Variants in ATP1A4 observed in about 807,000 individuals in gnomAD.
ATP1A4 encodes the protein sodium/potassium-transporting ATPase subunit alpha-4.
A neutral mutation model predicts 114.3 loss-of-function variants in ATP1A4; 90 were observed. That is an observed-to-expected ratio of 0.79 (90% CI 0.66 to 0.94). The LOEUF (loss-of-function observed/expected upper bound fraction) is 0.94, where lower values mean the gene tolerates loss of function less well. Among genes scored for constraint, ATP1A4 ranks in the 40% least tolerant of loss-of-function variants. The pLI is 0.00. For synonymous variants in ATP1A4, 511 were observed against 494.1 expected, an observed-to-expected ratio of 1.03 and a Z score of -0.45; for missense variants, 1,222 against 1,313.6, an observed-to-expected ratio of 0.93 and a Z score of 1.08.
At position 160,186,834 on chromosome 1, in the gene ATP1A4, G is replaced by C. The variant is rs888574491; in HGVS notation, c.*135G>C. Reference sequence around the variant, plus strand: ...GGATGAGAAAGATGGGCAATCCTGGGCTGGCTTGAGGGAATCATGGGCAGA... The same window carrying C: ...GGATGAGAAAGATGGGCAATCCTGGCCTGGCTTGAGGGAATCATGGGCAGA... On this transcript the variant is annotated 3_prime_UTR_variant, in exon 22 of 22. Coordinates refer to ENST00000368081, the MANE Select transcript of ATP1A4 (RefSeq NM_144699.4). 1.9e-6 allele frequency: 2 copies of C among 1,066,306 alleles called. No individual in the cohort carries two copies. The highest frequency in any genetic ancestry group is 3.1e-5 in the African/African-American group (2 of 63,698). 66.1% of individuals were successfully genotyped at this position (1,066,306 alleles called of 1,614,324 possible). A position where few individuals can be genotyped will look rare whatever the true frequency, so the allele number is the denominator to read the frequency against.
chr1:160,159,617 G>C (rs1234274556), intron 6 of ATP1A4, 91 bp downstream of exon 6: 1 of 1,138,244 alleles, frequency 8.8e-7, no homozygotes, highest in Non-Finnish European at 1.3e-6. Flanking sequence ...AGCGAGGTAG[G>C]TAAGAGCCAG....
Position 160,173,581 on chromosome 1 carries a change from G to C in ATP1A4, c.1855G>C (p.Val619Leu). The change falls in exon 13 of 22, where the codon GTG becomes CTG. Residue 619 changes from valine (V) to leucine (L), a missense_variant and splice_region_variant. By Grantham distance (32) the Val-to-Leu change is conservative. Transcript: ENST00000368081. ...CTCTTCCCTCTCCTTCCCAACCCAGGTGATCATGGTAACAGGAGATCATCC... is the reference window on the plus strand; with the variant it reads ...CTCTTCCCTCTCCTTCCCAACCCAGCTGATCATGGTAACAGGAGATCATCC... ...VSKCRSAGIK[V>L]IMVTGDHPIT... 1 of 1,613,242 alleles carries C rather than the reference G, an allele frequency of 6.2e-7. No homozygotes were observed. Among genetic ancestry groups the C allele is most frequent in the Non-Finnish European group, 8.5e-7 (1 of 1,179,206 alleles).
At chr1:160,156,213 C>T in intron 4 of ATP1A4, 55 bp downstream of exon 4, 1 of 1,236,204 alleles carries the variant, frequency 8.1e-7, no homozygotes, top group Non-Finnish European at 1.2e-6. Context: ...TGGCCAAATA[C>T]ACAATGATGA....
chr1:160,169,048 G>T (rs895872966), intron 10 of ATP1A4, among the ~76,000 whole-genome samples: 1 of 152,202 alleles, frequency 6.6e-6, no homozygotes, highest in Admixed American at 6.5e-5. Flanking sequence ...TGCCTCTTCC[G>T]AGCTACCAAA....
At chr1:160,156,477 C>T (rs1166598892) in intron 4 of ATP1A4, among the ~76,000 whole-genome samples, 3 of 129,186 alleles carry the variant, frequency 2.3e-5, no homozygotes, top group South Asian at 2.8e-4. Context: ...GAGCGGGGTG[C>T]GGTGGGGGGT....
Position 160,164,211 on chromosome 1 carries a change from T to G in ATP1A4, c.834T>G (p.Ile278Met), listed in dbSNP as rs1308365952. The change falls in exon 7 of 22, where the codon ATT becomes ATG. Residue 278 changes from isoleucine (I) to methionine (M), a missense_variant. Ile to Met is a conservative substitution (Grantham distance 10). Coordinates refer to ENST00000368081, the MANE Select transcript of ATP1A4 (RefSeq NM_144699.4). ...ATGDSTVMGRIASLTSGLAVG... is the reference protein window; with the variant it reads ...ATGDSTVMGRMASLTSGLAVG... ...GAGACTCCACAGTGATGGGCAGAAT[T>G]GCCTCCCTGACGTCAGGCCTGGCGG... The G allele has an allele frequency of 6.2e-7, 1 of 1,614,086 alleles. No homozygotes were observed. The highest frequency in any genetic ancestry group is 1.3e-5 in the African/African-American group (1 of 74,940).
Position 160,159,484 on chromosome 1 carries a change from G to T in ATP1A4, c.736G>T (p.Glu246Ter), listed in dbSNP as rs891659043. Residue 246 changes from glutamate (E) to a stop codon, truncating the protein, a stop_gained, in exon 6 of 22, where the codon GAG becomes TAG. Coordinates refer to ENST00000368081, the MANE Select transcript of ATP1A4 (RefSeq NM_144699.4). LOFTEE classifies it high-confidence loss of function. ...TGACTTCACCCATGAGAACCCTCTGGAGACCCGAAACATCTGCTTCTTTTC... is the reference window on the plus strand; with the variant it reads ...TGACTTCACCCATGAGAACCCTCTGTAGACCCGAAACATCTGCTTCTTTTC... ...SPDFTHENPLETRNICFFSTN... is the reference protein window; with the variant it reads ...SPDFTHENPL 1 of 1,613,312 alleles carries T rather than the reference G, an allele frequency of 6.2e-7. No individual in the cohort carries two copies. Among genetic ancestry groups the T allele is most frequent in the East Asian group, 2.2e-5 (1 of 44,880 alleles).
At position 160,153,164 on chromosome 1, in the gene ATP1A4, G is replaced by A. The variant is rs773253273; in HGVS notation, c.148-1G>A. 6.2e-7 allele frequency: 1 copy of A among 1,613,848 alleles called. No homozygotes were observed. The highest frequency in any genetic ancestry group is 8.5e-7 in the Non-Finnish European group (1 of 1,179,850). ...CCTCAATGCCTCTACTGTCCCCTCA[G>A]GATGATCACAAATTAACCTTGGAAG... On this transcript the variant is annotated splice_acceptor_variant, in intron 1 of 21. Coordinates refer to ENST00000368081, the MANE Select transcript of ATP1A4 (RefSeq NM_144699.4). LOFTEE classifies it high-confidence loss of function.
intron 15 of ATP1A4, among the ~76,000 whole-genome samples, chr1:160,175,780 C>G (rs2101649063): frequency 6.6e-6 from 1 of 152,210 alleles, no homozygotes; most frequent in Non-Finnish European, 1.5e-5. Context: ...TCCATTCCAG[C>G]CTTAATCTTG....
rs1342994027 is a variant in ATP1A4 at position 160,176,569 on chromosome 1, C to G, written c.2557C>G (p.His853Asp). Reference protein sequence around the residue: ...RNPKTDNLVNHRLIGMAYGQI... With the variant: ...RNPKTDNLVNDRLIGMAYGQI... ...CCCAAAGACGGATAATCTGGTGAAC[C>G]ACCGTCTCATTGGCATGGCCTATGG... Residue 853 changes from histidine to aspartate, a missense_variant, in exon 17 of 22, where the codon CAC (histidine) becomes GAC (aspartate). By Grantham distance (81) the His-to-Asp change is moderately conservative (BLOSUM62 -1). Transcript: ENST00000368081. The G allele has an allele frequency of 1.2e-6, 2 of 1,614,122 alleles. No individual in the cohort carries two copies.
chr1:160,154,277 G>T (rs1295983256), intron 2 of ATP1A4, among the ~76,000 whole-genome samples: 1 of 151,918 alleles, frequency 6.6e-6, no homozygotes, highest in Admixed American at 6.6e-5. Context: ...TCACTTGAAT[G>T]CAGGAGAATC....
In ATP1A4 at chr1:160,166,998, G is replaced by C. The variant is rs747630030; in HGVS notation, c.1277G>C (p.Trp426Ser). The change falls in exon 9 of 22, where the codon TGG (tryptophan) becomes TCG (serine). Residue 426 changes from tryptophan to serine, a missense_variant. Coordinates refer to ENST00000368081, the MANE Select transcript of ATP1A4 (RefSeq NM_144699.4). ...GKTFTKSSDTWFMLARIAGLC... is the reference protein window; with the variant it reads ...GKTFTKSSDTSFMLARIAGLC... Reference sequence around the variant, plus strand: ...ACATTTACCAAGAGCTCTGATACCTGGTTTATGCTGGCCCGAATCGCTGGC... The same window carrying C: ...ACATTTACCAAGAGCTCTGATACCTCGTTTATGCTGGCCCGAATCGCTGGC... 2.3e-5 allele frequency: 37 copies of C among 1,614,054 alleles called. No homozygotes were observed. In the South Asian group the frequency reaches 4.1e-4, roughly 18 times the overall value.
At chr1:160,171,173 T>A in intron 10 of ATP1A4, 78 bp from the exon 11 acceptor site, 1 of 1,368,060 alleles carries the variant, frequency 7.3e-7, no homozygotes, top group South Asian at 1.4e-5. Context: ...TTTTTACCTT[T>A]GAAACCTTCC....
At chr1:160,153,306 C>T in intron 2 of ATP1A4, 82 bp downstream of exon 2, 1 of 1,284,848 alleles carries the variant, frequency 7.8e-7, no homozygotes, top group Non-Finnish European at 1.1e-6. Flanking sequence ...AACTAGGAAT[C>T]CAGCCCCCTA....
Position 160,186,610 on chromosome 1 carries a change from G to A in ATP1A4, c.3062-61G>A. The A allele has an allele frequency of 1.9e-6, 3 of 1,575,306 alleles. No homozygotes were observed. In the South Asian group the frequency reaches 3.4e-5, roughly 18 times the overall value. On this transcript the variant is annotated intron_variant, in intron 21 of 21. Coordinates refer to ENST00000368081, the MANE Select transcript of ATP1A4 (RefSeq NM_144699.4). ...CTTGTCCCTGCTTTCCCTTCTGCCT[G>A]TCTCCCCTGGATGCCTCTAATTCCT...
intron 4 of ATP1A4, 150 bp downstream of exon 4, chr1:160,156,308 A>C (rs765212714): frequency 1.3e-4 from 80 of 596,664 alleles, no homozygotes; most frequent in Non-Finnish European, 2.1e-4. Context: ...CAGTCCTTAA[A>C]AGTACCTGGA....
chr1:160,157,074 C>G (rs11265336), intron 4 of ATP1A4, among the ~76,000 whole-genome samples: 61,506 of 151,680 alleles, frequency 0.41, 13,075 homozygotes, highest in South Asian at 0.47. Context: ...TGGTGACAGA[C>G]AGAGACGCTG....
intron 1 of ATP1A4, 75 bp downstream of exon 1, chr1:160,152,262 T>C: frequency 6.6e-7 from 1 of 1,521,086 alleles, no homozygotes; most frequent in Non-Finnish European, 8.8e-7. Context: ...CATCTTACCT[T>C]GAGAATGAAA....
rs1415078730 is a variant in ATP1A4, at chr1:160,174,722, C to T, written c.2286C>T (p.Ala762=). Residue 762 remains alanine, a synonymous_variant, in exon 15 of 22, where the codon GCC becomes GCT. Coordinates refer to ENST00000368081, the MANE Select transcript of ATP1A4 (RefSeq NM_144699.4). ...ADMILLDDNF[A]SIVTGVEEGR... is the part of the protein sequence containing the mutation. ...TGATCCTGCTGGATGACAACTTTGC[C>T]TCCATCGTCACGGGGGTGGAGGAGG... 6.2e-7 allele frequency: 1 copy of T among 1,614,182 alleles called. No individual in the cohort carries two copies. The highest frequency in any genetic ancestry group is 1.7e-5 in the Admixed American group (1 of 60,028).
Sources: allele counts gnomAD v4.1 joint callset (sites outside exome capture counted in the v4.1 genomes callset), GRCh38; gene constraint gnomAD v4.1.1; transcripts MANE v1.5; gene names NCBI Gene and HGNC (gene_info 2026-07-23, HGNC 2026-07-21).